The following TSPAN5 variants were observed in gnomAD, a reference collection of about 807,000 sequenced individuals.
TSPAN5 encodes tetraspanin 5, also known as tetraspanin-5.
A neutral mutation model predicts 37.1 loss-of-function variants in TSPAN5; 10 were observed. The ratio of observed to expected loss-of-function variants is 0.27; its 90% CI spans 0.17 to 0.46. The LOEUF (loss-of-function observed/expected upper bound fraction) is 0.46, where lower values mean the gene tolerates loss of function less well. Among genes scored for constraint, TSPAN5 ranks in the 20% least tolerant of loss-of-function variants. The pLI, the probability that TSPAN5 is intolerant of heterozygous loss-of-function variation, is 1.00. For missense variants in TSPAN5, 195 were observed against 326.6 expected (o/e 0.60, Z 3.11); for synonymous variants, 110 against 118.9 (o/e 0.93, Z 0.48).
intron 1 of TSPAN5, among the ~76,000 whole-genome samples, chr4:98,518,879 G>A (rs1753795474): frequency 6.6e-6 from 1 of 152,238 alleles, no homozygotes; most frequent in Non-Finnish European, 1.5e-5. Flanking sequence ...GGGCTAGAAG[G>A]GTTAAGGCCT....
intron 2 of TSPAN5, among the ~76,000 whole-genome samples, chr4:98,492,856 G>T (rs551426516): frequency 6.6e-6 from 1 of 152,090 alleles, no homozygotes; most frequent in Admixed American, 6.5e-5. Flanking sequence ...CTCCAATTCT[G>T]CATGTAAACT....
At chr4:98,658,052 G>A (rs1757327802) in intron 1 of TSPAN5, 94 bp downstream of exon 1, 10 of 1,118,268 alleles carry the variant, frequency 8.9e-6, no homozygotes, top group African/African-American at 1.5e-5. Context: ...GCGCCTGCGG[G>A]GCTGCGAAAA....
At chr4:98,604,405 T>C (rs1231774913) in intron 1 of TSPAN5, among the ~76,000 whole-genome samples, 2 of 152,208 alleles carry the variant, frequency 1.3e-5, no homozygotes, top group Non-Finnish European at 1.5e-5. Context: ...CATCTCGTCA[T>C]CAAAATGACA....
chr4:98,600,867 A>G (rs1218287030), intron 1 of TSPAN5, among the ~76,000 whole-genome samples: 3 of 152,228 alleles, frequency 2.0e-5, no homozygotes. Flanking sequence ...GAATCACTAT[A>G]TAGTCTATGG....
rs368224460 is a variant in TSPAN5 at position 98,521,866 on chromosome 4, G to A, written c.82-14138C>T. 9.2e-4 allele frequency among the ~76,000 whole-genome samples: 140 copies of A among 152,030 alleles called. 2 individuals are homozygous for A. Among genetic ancestry groups the A allele is most frequent in the African/African-American group, 3.2e-3 (132 of 41,504 alleles). On this transcript the variant is annotated intron_variant, in intron 1 of 7. Coordinates refer to ENST00000305798, the MANE Select transcript of TSPAN5 (RefSeq NM_005723.4). ...TTCTGTTTTTTTTGTTTGTTTCACT[G>A]ATGAAATCTTTCTTTTCTAAGAAAC...
At chr4:98,586,836 A>G (rs2110202166) in intron 1 of TSPAN5, among the ~76,000 whole-genome samples, 1 of 152,340 alleles carries the variant, frequency 6.6e-6, no homozygotes, top group African/African-American at 2.4e-5. Flanking sequence ...TCACACAGTG[A>G]GAGTTAGAGT....
At chr4:98,618,701 T>C (rs1756404330) in intron 1 of TSPAN5, among the ~76,000 whole-genome samples, 1 of 152,196 alleles carries the variant, frequency 6.6e-6, no homozygotes, top group Non-Finnish European at 1.5e-5. Context: ...TTTTTCATAT[T>C]ATACCACACT....
intron 1 of TSPAN5, among the ~76,000 whole-genome samples, chr4:98,596,526 T>C (rs1322482109): frequency 2.9e-5 from 2 of 67,942 alleles, no homozygotes; most frequent in Admixed American, 3.6e-4. Flanking sequence ...AGTTTCTTCC[T>C]AGTCTCGATG....
chr4:98,542,944 A>G (rs17027682), intron 1 of TSPAN5, among the ~76,000 whole-genome samples: 13,036 of 152,180 alleles, frequency 0.086, 926 homozygotes, highest in African/African-American at 0.19. Flanking sequence ...CAAGGAAGAT[A>G]CTTCAGTCAG....
chr4:98,501,329 A>G (rs535900213), intron 2 of TSPAN5, among the ~76,000 whole-genome samples: 2 of 152,304 alleles, frequency 1.3e-5, no homozygotes, highest in Non-Finnish European at 2.9e-5. Flanking sequence ...ACTGACTTCT[A>G]TAACTCCATG....
chr4:98,474,467 C>T (rs1560503785), intron 7 of TSPAN5, among the ~76,000 whole-genome samples: 2 of 152,078 alleles, frequency 1.3e-5, no homozygotes, highest in Admixed American at 6.5e-5. Context: ...CCCTCCTCAG[C>T]CCCCCAAGTA....
chr4:98,571,443 C>G (rs968294413), intron 1 of TSPAN5, among the ~76,000 whole-genome samples: 2 of 131,592 alleles, frequency 1.5e-5, no homozygotes, highest in African/African-American at 5.7e-5. Flanking sequence ...TCCCACAAAC[C>G]GTTCTGGCTT....
At chr4:98,514,890 T>C (rs1201242245) in intron 1 of TSPAN5, among the ~76,000 whole-genome samples, 1 of 151,988 alleles carries the variant, frequency 6.6e-6, no homozygotes, top group African/African-American at 2.4e-5. Flanking sequence ...TAAAGAAACA[T>C]AAGTGAGTAG....
intron 1 of TSPAN5, among the ~76,000 whole-genome samples, chr4:98,623,746 C>T (rs548997134): frequency 1.1e-4 from 16 of 152,160 alleles, no homozygotes; most frequent in African/African-American, 3.9e-4. Flanking sequence ...CCTTTGGTGG[C>T]TTTCAACATT....
intron 1 of TSPAN5, among the ~76,000 whole-genome samples, chr4:98,536,036 C>T (rs1398625553): frequency 1.3e-5 from 2 of 152,140 alleles, no homozygotes; most frequent in Admixed American, 1.3e-4. Context: ...TCTGTCAATT[C>T]GTCAAACTCA....
chr4:98,549,828 A>T (rs568125698), intron 1 of TSPAN5, among the ~76,000 whole-genome samples: 9 of 151,452 alleles, frequency 5.9e-5, no homozygotes, highest in South Asian at 2.1e-4. Context: ...TTTTTTCCTC[A>T]TTCTGTAGGT....
At chr4:98,618,466 T>G (rs373507559) in intron 1 of TSPAN5, among the ~76,000 whole-genome samples, 3 of 152,218 alleles carry the variant, frequency 2.0e-5, no homozygotes, top group African/African-American at 7.2e-5. Flanking sequence ...ATTTGTATAA[T>G]AGCAGTCGTA....
At chr4:98,507,648 A>ATG in intron 2 of TSPAN5, 30 bp downstream of exon 2, 1 of 1,574,174 alleles carries the variant, frequency 6.4e-7, no homozygotes, top group Non-Finnish European at 8.7e-7. Flanking sequence ...AACAACCACG[A>ATG]TGTGTGCATT....
At chr4:98,515,530 T>C (rs1367941279) in intron 1 of TSPAN5, among the ~76,000 whole-genome samples, 6 of 152,058 alleles carry the variant, frequency 3.9e-5, no homozygotes, top group African/African-American at 7.2e-5. Flanking sequence ...TCTCTCTCTC[T>C]CTCTCCCTCT....
Sources: gnomAD v4.1 joint callset for allele counts (sites outside exome capture counted in the v4.1 genomes callset) on GRCh38, gnomAD v4.1.1 for gene constraint, MANE v1.5 for transcripts, NCBI Gene and HGNC (gene_info 2026-07-23, HGNC 2026-07-21) for gene names.